Variants in PHACTR4 observed in about 807,000 individuals in gnomAD.
PHACTR4 encodes protein phosphatase 1, regulatory subunit 124.
PHACTR4 carries 51 observed loss-of-function variants against 72.7 expected under a neutral mutation model. The observed-to-expected ratio is 0.70, with a 90% confidence interval of 0.56 to 0.89. The LOEUF is 0.89. Among genes scored for constraint, PHACTR4 ranks in the 40% least tolerant of loss-of-function variants. The pLI is 0.00. For synonymous variants in PHACTR4, 255 were observed against 302.5 expected (o/e 0.84, Z 1.63); for missense variants, 731 against 861.8 (o/e 0.85, Z 1.90).
At chr1:28,396,090 TAAC>T (rs1653481449) in intron 1 of PHACTR4, among the ~76,000 whole-genome samples, 1 of 151,734 alleles carries the variant, frequency 6.6e-6, no homozygotes, top group Non-Finnish European at 1.5e-5. Flanking sequence ...AGTTCTTTAT[TAAC>T]TGCTTTTATT....
chr1:28,492,362 A>C (rs929216626), intron 12 of PHACTR4, among the ~76,000 whole-genome samples: 2 of 151,950 alleles, frequency 1.3e-5, no homozygotes, highest in East Asian at 3.9e-4. Context: ...GCTTGAACCT[A>C]GGAGGTGGAG....
intron 2 of PHACTR4, among the ~76,000 whole-genome samples, chr1:28,449,568 A>G (rs560244336): frequency 6.6e-5 from 10 of 152,222 alleles, no homozygotes; most frequent in African/African-American, 2.2e-4. Flanking sequence ...ATCACAGCCA[A>G]TGGCCCAGTG....
At chr1:28,482,710 T>C (rs1225463000) in intron 9 of PHACTR4, among the ~76,000 whole-genome samples, 1 of 151,948 alleles carries the variant, frequency 6.6e-6, no homozygotes, top group East Asian at 1.9e-4. Context: ...TCACTTGAGG[T>C]GGGAGGCTCA....
chr1:28,473,607 C>T lies in PHACTR4; in HGVS notation c.877C>T (p.Pro293Ser), dbSNP rs543879394. The T allele has an allele frequency of 3.7e-6, 6 of 1,614,000 alleles. No individual in the cohort carries two copies. In the African/African-American group the frequency reaches 4.0e-5, roughly 11 times the overall value. Residue 293 changes from proline to serine, a missense_variant, in exon 7 of 14, where the codon CCC becomes TCC. Coordinates refer to ENST00000373839, the MANE Select transcript of PHACTR4 (RefSeq NM_001048183.3). Reference protein sequence around the residue: ...SGTLLSKPSPPLPPKRGIPST... With the variant: ...SGTLLSKPSPSLPPKRGIPST... ...TACATTGTTATCAAAACCGTCCCCACCCTTACCACCTAAGAGAGGCATTCC... is the reference window on the plus strand; with the variant it reads ...TACATTGTTATCAAAACCGTCCCCATCCTTACCACCTAAGAGAGGCATTCC...
At chr1:28,393,928 G>C (rs1012172018) in intron 1 of PHACTR4, among the ~76,000 whole-genome samples, 6 of 151,884 alleles carry the variant, frequency 4.0e-5, no homozygotes, top group Non-Finnish European at 8.8e-5. Flanking sequence ...GCCCAGACTG[G>C]TCTTGAACTC....
chr1:28,408,770 G>T (rs1001744984), intron 2 of PHACTR4, among the ~76,000 whole-genome samples: 1 of 151,164 alleles, frequency 6.6e-6, no homozygotes. Context: ...TGACCTCCCG[G>T]GCTCAGGCAA....
chr1:28,456,056 C>G (rs1486459059), intron 2 of PHACTR4, among the ~76,000 whole-genome samples: 1 of 151,656 alleles, frequency 6.6e-6, no homozygotes, highest in Non-Finnish European at 1.5e-5. Flanking sequence ...AGACAAGGTC[C>G]CTGTATTAAG....
intron 2 of PHACTR4, chr1:28,422,634 C>A (rs1178673069): frequency 1.3e-5 from 2 of 152,140 alleles, no homozygotes; most frequent in East Asian, 3.8e-4. Context: ...TAGTTGTAAA[C>A]CCCACTGCAT....
intron 10 of PHACTR4, chr1:28,489,966 T>C (rs1361811956): frequency 7.9e-6 from 4 of 504,460 alleles, no homozygotes; most frequent in African/African-American, 1.9e-5. Context: ...CAAAACTCAG[T>C]GTGATCACCA....
rs150802764 is a variant in PHACTR4 at position 28,473,971 on chromosome 1, C to T, written c.1241C>T (p.Pro414Leu). 6 of 1,614,164 alleles carry T rather than the reference C, an allele frequency of 3.7e-6. No individual in the cohort carries two copies. The highest frequency in any genetic ancestry group is 1.3e-5 in the African/African-American group (1 of 75,050). Residue 414 changes from proline to leucine, a missense_variant, in exon 7 of 14, where the codon CCA becomes CTA. This residue lies in a region of PHACTR4 where 621 missense variants were observed against 676.6 expected (regional missense o/e 0.92). Coordinates refer to ENST00000373839, the MANE Select transcript of PHACTR4 (RefSeq NM_001048183.3). ...GEPHIPSRLPPLPLHIRIQQA... is the reference protein window; with the variant it reads ...GEPHIPSRLPLLPLHIRIQQA... ...CCCCATATACCCTCTAGGCTGCCTC[C>T]ACTCCCACTGCATATTCGAATCCAG... is the stretch of plus-strand genomic sequence containing the variant.
chr1:28,401,928 G>A (rs1329436226), intron 1 of PHACTR4, among the ~76,000 whole-genome samples: 1 of 152,126 alleles, frequency 6.6e-6, no homozygotes, highest in African/African-American at 2.4e-5. Flanking sequence ...GATCACCCAG[G>A]CCAGTCTGAG....
intron 8 of PHACTR4, among the ~76,000 whole-genome samples, chr1:28,479,104 A>G (rs75247637): frequency 0.089 from 13,477 of 152,028 alleles, 1,288 homozygotes; most frequent in African/African-American, 0.24. Flanking sequence ...GTGAAACCCC[A>G]TCTCTTCTAA....
At chr1:28,444,615 T>A (rs1410729234) in intron 2 of PHACTR4, among the ~76,000 whole-genome samples, 1 of 150,592 alleles carries the variant, frequency 6.6e-6, no homozygotes, top group Admixed American at 6.6e-5. Context: ...TTTTTTTATT[T>A]TTATTATTAT....
At chr1:28,465,606 GA>G in intron 4 of PHACTR4, 78 bp from the exon 5 acceptor site, 2 of 1,424,888 alleles carry the variant, frequency 1.4e-6, no homozygotes, top group Middle Eastern at 1.8e-4. Context: ...GAGAGAGAAA[GA>G]AAAAAAGAAA....
At chr1:28,388,801 G>C (rs368163249) in intron 1 of PHACTR4, among the ~76,000 whole-genome samples, 11 of 152,050 alleles carry the variant, frequency 7.2e-5, no homozygotes, top group Non-Finnish European at 1.6e-4. Context: ...AGTGAGCTGA[G>C]ATCATGCCAT....
intron 1 of PHACTR4, among the ~76,000 whole-genome samples, chr1:28,385,915 G>A (rs937176965): frequency 6.6e-6 from 1 of 151,444 alleles, no homozygotes; most frequent in African/African-American, 2.4e-5. Flanking sequence ...ACGCCCGGCT[G>A]GTTTTAAGTG....
intron 2 of PHACTR4, among the ~76,000 whole-genome samples, chr1:28,433,915 G>A (rs1656459618): frequency 6.6e-6 from 1 of 152,002 alleles, no homozygotes; most frequent in Non-Finnish European, 1.5e-5. Context: ...TGAGTAGCTG[G>A]GATTACAGGC....
chr1:28,462,437 C>T (rs1346692505), intron 4 of PHACTR4, among the ~76,000 whole-genome samples: 2 of 151,828 alleles, frequency 1.3e-5, no homozygotes, highest in African/African-American at 2.4e-5. Flanking sequence ...TTTTGCCCTA[C>T]ACTCACGGCA....
At chr1:28,448,971 G>A (rs115337119) in intron 2 of PHACTR4, among the ~76,000 whole-genome samples, 1,651 of 151,386 alleles carry the variant, frequency 0.011, 28 homozygotes, top group African/African-American at 0.038. Flanking sequence ...GCAACATAGC[G>A]AAACCTGATC....
Sources: gnomAD v4.1 joint callset for allele counts (sites outside exome capture counted in the v4.1 genomes callset) on GRCh38, gnomAD v4.1.1 for gene constraint, gnomAD v4.1.1 regional missense constraint, MANE v1.5 for transcripts, NCBI Gene and HGNC (gene_info 2026-07-23, HGNC 2026-07-21) for gene names.